GULP1: variants seen among roughly 807,000 people sequenced by gnomAD.
GULP1 encodes PTB domain-containing engulfment adapter protein 1.
Under a neutral mutation model 40.9 loss-of-function variants are expected in GULP1, and 19 were observed. That is an observed-to-expected ratio of 0.46 (90% CI 0.32 to 0.68). The LOEUF (loss-of-function observed/expected upper bound fraction) is 0.68, where lower values mean the gene tolerates loss of function less well. GULP1 is among the 30% of genes least tolerant of loss of function. The pLI is 0.03. For missense variants in GULP1, 312 were observed against 362.2 expected, an observed-to-expected ratio of 0.86 and a Z score of 1.12; for synonymous variants, 119 against 117.6, an observed-to-expected ratio of 1.01 and a Z score of -0.08.
At chr2:188,310,146 G>A (rs1360767824) in intron 1 of GULP1, among the ~76,000 whole-genome samples, 2 of 152,154 alleles carry the variant, frequency 1.3e-5, no homozygotes, top group Non-Finnish European at 2.9e-5. Flanking sequence ...GCCTCTGTTA[G>A]AGTTCTGTAG....
intron 1 of GULP1, among the ~76,000 whole-genome samples, chr2:188,354,814 C>T (rs1271459094): frequency 6.6e-6 from 1 of 152,064 alleles, no homozygotes; most frequent in Non-Finnish European, 1.5e-5. Context: ...AAATAAGTTC[C>T]ACTAAATTCA....
intron 1 of GULP1, among the ~76,000 whole-genome samples, chr2:188,293,353 C>T (rs548680311): frequency 2.0e-5 from 3 of 152,262 alleles, no homozygotes; most frequent in South Asian, 4.1e-4. Context: ...TATTTTGTGC[C>T]TGCTTTTAAA....
intron 1 of GULP1, among the ~76,000 whole-genome samples, chr2:188,372,297 C>T (rs1301366911): frequency 6.6e-6 from 1 of 152,046 alleles, no homozygotes; most frequent in Non-Finnish European, 1.5e-5. Context: ...CTAATAGATT[C>T]AGAGCATTGG....
chr2:188,525,778 G>A (rs374550503), intron 5 of GULP1, among the ~76,000 whole-genome samples: 1 of 152,156 alleles, frequency 6.6e-6, no homozygotes, highest in East Asian at 1.9e-4. Flanking sequence ...GTCAAGTCTT[G>A]TGAAGTCTCA....
intron 1 of GULP1, among the ~76,000 whole-genome samples, chr2:188,310,623 T>C (rs1452807327): frequency 6.6e-6 from 1 of 152,176 alleles, no homozygotes; most frequent in Admixed American, 6.5e-5. Flanking sequence ...AGAGGTGCTC[T>C]ATAGTGAGTT....
intron 7 of GULP1, chr2:188,541,906 G>A (rs1012845533): frequency 1.3e-5 from 2 of 154,234 alleles, no homozygotes; most frequent in African/African-American, 4.8e-5. Flanking sequence ...TGAAGAGATC[G>A]AGACCATCCT....
intron 2 of GULP1, among the ~76,000 whole-genome samples, chr2:188,448,393 A>T (rs1381412164): frequency 3.9e-5 from 6 of 152,228 alleles, no homozygotes; most frequent in East Asian, 1.9e-4. Flanking sequence ...ATTTAAAAAC[A>T]GTAAAAATAG....
chr2:188,341,054 G>A (rs111679652), intron 1 of GULP1, among the ~76,000 whole-genome samples: 4 of 152,244 alleles, frequency 2.6e-5, no homozygotes, highest in South Asian at 2.1e-4. Context: ...GGAAAAGGCA[G>A]CTTTTGAATG....
chr2:188,320,724 A>G (rs1293187297), intron 1 of GULP1, among the ~76,000 whole-genome samples: 1 of 152,146 alleles, frequency 6.6e-6, no homozygotes, highest in Admixed American at 6.6e-5. Flanking sequence ...TTCAACATTC[A>G]TCTTCTATGT....
chr2:188,298,779 TC>T (rs2035534637), intron 1 of GULP1, among the ~76,000 whole-genome samples: 1 of 152,210 alleles, frequency 6.6e-6, no homozygotes, highest in Non-Finnish European at 1.5e-5. Flanking sequence ...AATAAAATTT[TC>T]TAGAGTAGTA....
intron 1 of GULP1, among the ~76,000 whole-genome samples, chr2:188,372,894 C>T (rs992089557): frequency 6.6e-6 from 1 of 151,710 alleles, no homozygotes; most frequent in Admixed American, 6.6e-5. Context: ...CTAAAAAGGT[C>T]AGAGATATTT....
intron 2 of GULP1, among the ~76,000 whole-genome samples, chr2:188,454,248 G>T (rs945869890): frequency 6.6e-6 from 1 of 152,202 alleles, no homozygotes. Flanking sequence ...GCAGAGAGGG[G>T]ATGTGGGAGT....
At chr2:188,298,541 T>C (rs1372193967) in intron 1 of GULP1, among the ~76,000 whole-genome samples, 4 of 152,192 alleles carry the variant, frequency 2.6e-5, no homozygotes, top group Admixed American at 1.3e-4. Context: ...ACAATGGCTA[T>C]TGCTTTAAAT....
chr2:188,364,796 A>G (rs932426221), intron 1 of GULP1, among the ~76,000 whole-genome samples: 1 of 110,592 alleles, frequency 9.0e-6, no homozygotes, highest in African/African-American at 2.6e-5. Flanking sequence ...ACATATACAT[A>G]TCATATATAC....
At chr2:188,396,246 C>G (rs940370377) in intron 2 of GULP1, among the ~76,000 whole-genome samples, 4 of 152,184 alleles carry the variant, frequency 2.6e-5, no homozygotes, top group African/African-American at 9.6e-5. Context: ...TTCTGTCTTT[C>G]ATGTTAAGCT....
intron 6 of GULP1, 139 bp downstream of exon 6, chr2:188,529,334 T>G (rs1316603918): frequency 3.0e-5 from 15 of 502,344 alleles, no homozygotes; most frequent in Non-Finnish European, 5.3e-5. Flanking sequence ...CTAGGAGTTT[T>G]AGAAGTGAAA....
At chr2:188,480,847 A>G (rs1426364951) in intron 3 of GULP1, among the ~76,000 whole-genome samples, 2 of 151,926 alleles carry the variant, frequency 1.3e-5, no homozygotes, top group Non-Finnish European at 2.9e-5. Flanking sequence ...TTGAGTAGAT[A>G]TCAAATGCAC....
chr2:188,367,039 T>G (rs1207853267), intron 1 of GULP1, among the ~76,000 whole-genome samples: 1 of 152,212 alleles, frequency 6.6e-6, no homozygotes, highest in Non-Finnish European at 1.5e-5. Flanking sequence ...TAGTAACAAA[T>G]GGATGTTTTT....
intron 6 of GULP1, among the ~76,000 whole-genome samples, chr2:188,531,027 T>G (rs1687411628): frequency 6.6e-6 from 1 of 152,200 alleles, no homozygotes; most frequent in Non-Finnish European, 1.5e-5. Context: ...AACTTTTCTC[T>G]AGTCCAGCAA....
Sources: allele counts gnomAD v4.1 joint callset (sites outside exome capture counted in the v4.1 genomes callset), GRCh38; gene constraint gnomAD v4.1.1; transcripts MANE v1.5; gene names NCBI Gene and HGNC (gene_info 2026-07-23, HGNC 2026-07-21).